Variants in STPG2 observed in about 807,000 individuals in gnomAD.
The protein encoded by STPG2 is sperm-tail PG-rich repeat-containing protein 2.
Under a neutral mutation model 54.2 loss-of-function variants are expected in STPG2, and 56 were observed. The ratio of observed to expected loss-of-function variants is 1.03; its 90% CI spans 0.83 to 1.29. The LOEUF (loss-of-function observed/expected upper bound fraction) is 1.29. STPG2 is among the 50% of genes most tolerant of loss of function. The pLI is 0.00. For missense variants in STPG2, 596 were observed against 544.9 expected (o/e 1.09, Z -0.93); for synonymous variants, 200 against 181.8 (o/e 1.10, Z -0.81).
intron 9 of STPG2, among the ~76,000 whole-genome samples, chr4:97,797,688 T>A (rs1347904715): frequency 6.6e-6 from 1 of 152,188 alleles, no homozygotes; most frequent in Admixed American, 6.5e-5. Context: ...GGTATCAGGA[T>A]GTTGCTGGCC....
intron 8 of STPG2, among the ~76,000 whole-genome samples, chr4:97,927,532 G>A (rs1277359827): frequency 6.6e-6 from 1 of 151,930 alleles, no homozygotes; most frequent in Non-Finnish European, 1.5e-5. Context: ...CTAAACAATA[G>A]TGATTACATT....
chr4:97,732,637 A>C (rs905207917), intron 9 of STPG2, among the ~76,000 whole-genome samples: 4 of 152,188 alleles, frequency 2.6e-5, no homozygotes, highest in African/African-American at 9.7e-5. Context: ...GACAACCCAC[A>C]AGAAAATATT....
chr4:97,840,890 C>T lies in STPG2; in HGVS notation c.1087G>A (p.Glu363Lys), dbSNP rs2149121657. 1.2e-6 allele frequency: 2 copies of T among 1,611,994 alleles called. No individual in the cohort carries two copies. Among genetic ancestry groups the T allele is most frequent in the Non-Finnish European group, 8.5e-7 (1 of 1,178,568 alleles). Reference protein sequence around the residue: ...PGSYDVHKSYEMSQVKHKYMP... With the variant: ...PGSYDVHKSYKMSQVKHKYMP... The stretch of plus-strand genomic sequence containing the variant: ...TATTTATGCTTAACTTGGGACATCT[C>T]ATATGATTTGTGAACATCATAGCTG... Residue 363 changes from glutamate to lysine, a missense_variant, in exon 9 of 11, where the codon GAG becomes AAG. Glu to Lys is a moderately conservative substitution (Grantham distance 56). Coordinates refer to ENST00000295268, the MANE Select transcript of STPG2 (RefSeq NM_174952.3).
chr4:98,023,143 T>C (rs1736283647), intron 5 of STPG2, among the ~76,000 whole-genome samples: 1 of 152,162 alleles, frequency 6.6e-6, no homozygotes, highest in South Asian at 2.1e-4. Context: ...GCCATCTTTG[T>C]GGTTTCATCT....
chr4:97,602,239 CTAA>C (rs1560680716), intron 10 of STPG2, among the ~76,000 whole-genome samples: 1 of 151,734 alleles, frequency 6.6e-6, no homozygotes. Flanking sequence ...GTATCTATCA[CTAA>C]TGTTTCCCAT....
intron 9 of STPG2, among the ~76,000 whole-genome samples, chr4:97,814,020 A>G (rs1727832152): frequency 6.6e-6 from 1 of 152,134 alleles, no homozygotes; most frequent in Admixed American, 6.6e-5. Flanking sequence ...AGAATTGCAT[A>G]TACTCACACC....
At chr4:97,970,812 G>C (rs2149256042) in intron 7 of STPG2, among the ~76,000 whole-genome samples, 1 of 152,274 alleles carries the variant, frequency 6.6e-6, no homozygotes, top group South Asian at 2.1e-4. Context: ...TGACAAATGG[G>C]ATCTAATTAA....
chr4:97,845,125 A>C (rs1728910752), intron 8 of STPG2, among the ~76,000 whole-genome samples: 1 of 151,898 alleles, frequency 6.6e-6, no homozygotes, highest in African/African-American at 2.4e-5. Flanking sequence ...TTTGAAAAAA[A>C]ATTAATAGCT....
At chr4:97,672,184 T>G (rs892090049) in intron 10 of STPG2, among the ~76,000 whole-genome samples, 2 of 146,558 alleles carry the variant, frequency 1.4e-5, no homozygotes, top group Non-Finnish European at 3.0e-5. Flanking sequence ...TTTTTTTTTT[T>G]TTTTTTGAGA....
intron 9 of STPG2, among the ~76,000 whole-genome samples, chr4:97,832,545 G>T (rs1338425719): frequency 6.6e-6 from 1 of 152,140 alleles, no homozygotes; most frequent in African/African-American, 2.4e-5. Context: ...GATATAAAGG[G>T]TATTCAAATA....
At chr4:97,849,666 A>G (rs1235692429) in intron 8 of STPG2, among the ~76,000 whole-genome samples, 1 of 152,180 alleles carries the variant, frequency 6.6e-6, no homozygotes, top group East Asian at 1.9e-4. Flanking sequence ...AAACACATGA[A>G]AAAATGCTCA....
chr4:97,706,704 G>A (rs1447684466), intron 10 of STPG2, among the ~76,000 whole-genome samples: 1 of 152,096 alleles, frequency 6.6e-6, no homozygotes, highest in African/African-American at 2.4e-5. Context: ...GCTAGGTTAA[G>A]TAAAATAAGG....
chr4:97,711,496 G>A (rs1199765547), intron 10 of STPG2, among the ~76,000 whole-genome samples: 1 of 151,988 alleles, frequency 6.6e-6, no homozygotes, highest in Non-Finnish European at 1.5e-5. Context: ...TCTGAAGTAA[G>A]TCTAATAAAA....
At chr4:97,874,679 T>C (rs1730110680) in intron 8 of STPG2, among the ~76,000 whole-genome samples, 1 of 151,830 alleles carries the variant, frequency 6.6e-6, no homozygotes, top group African/African-American at 2.4e-5. Flanking sequence ...ACTCATGTTC[T>C]TGATGTTCTT....
At position 97,462,151 on chromosome 4, in the gene STPG2, A is replaced by G. The variant is rs1729680177; in HGVS notation, c.462+250548T>C. Among the ~76,000 whole-genome samples the G allele has an allele frequency of 2.0e-5, 3 of 152,022 alleles. No individual in the cohort carries two copies. The South Asian group carries it at 6.2e-4, about 32-fold the overall frequency. ...TAAGATAGTACTCAAAATTCTTTTC[A>G]TTCCATATGGAAACCCAGTTGAATG... On this transcript the variant is annotated intron_variant, in intron 4 of 4. Transcript: ENST00000522676.
chr4:97,735,583 G>GTATATATT (rs1180980535), intron 9 of STPG2, among the ~76,000 whole-genome samples: 1 of 147,730 alleles, frequency 6.8e-6, no homozygotes, highest in Non-Finnish European at 1.5e-5. Flanking sequence ...TTATATATAT[G>GTATATATT]TATATATTTA....
intron 8 of STPG2, among the ~76,000 whole-genome samples, chr4:97,927,449 T>C (rs1356200675): frequency 6.6e-6 from 1 of 152,090 alleles, no homozygotes; most frequent in Non-Finnish European, 1.5e-5. Flanking sequence ...CAACTTTTAG[T>C]TTCTCAATAA....
At chr4:97,477,676 G>C (rs145753160) in intron 4 of STPG2, among the ~76,000 whole-genome samples, 1 of 150,168 alleles carries the variant, frequency 6.7e-6, no homozygotes, top group East Asian at 2.0e-4. Context: ...ATTTTTAGTA[G>C]AGATGGGGTT....
In STPG2 at chr4:97,869,227, A is replaced by G. The variant is rs534315920; in HGVS notation, c.1045-28295T>C. Among the ~76,000 whole-genome samples, 3 of 151,922 alleles carry G rather than the reference A, an allele frequency of 2.0e-5. No individual in the cohort carries two copies. In the South Asian group the frequency reaches 6.2e-4, roughly 31 times the overall value. On this transcript the variant is annotated intron_variant, in intron 8 of 10. Transcript: ENST00000295268. ...TTTAATAAGTAGTAAATTAGAATAG[A>G]ATAATCTATATTCAATTAGTTTATA...
Sources: allele counts gnomAD v4.1 joint callset (sites outside exome capture counted in the v4.1 genomes callset), GRCh38; gene constraint gnomAD v4.1.1; transcripts MANE v1.5; gene names NCBI Gene and HGNC (gene_info 2026-07-23, HGNC 2026-07-21).